DTD1: variants seen among roughly 807,000 people sequenced by gnomAD.
DTD1 encodes D-tyrosyl-tRNA deacylase 1 homolog.
DTD1 carries 13 observed loss-of-function variants against 25.6 expected under a neutral mutation model. The ratio of observed to expected loss-of-function variants is 0.51; its 90% CI spans 0.33 to 0.81. DTD1 has a LOEUF of 0.81. Among genes scored for constraint, DTD1 ranks in the 30% least tolerant of loss-of-function variants. The pLI is 0.02. For missense variants in DTD1, 193 were observed against 266.4 expected, an observed-to-expected ratio of 0.72 and a Z score of 1.92; for synonymous variants, 110 against 103.6, an observed-to-expected ratio of 1.06 and a Z score of -0.37.
chr20:18,752,765 A>G (rs550776942), intron 5 of DTD1, among the ~76,000 whole-genome samples: 3 of 152,264 alleles, frequency 2.0e-5, no homozygotes. Flanking sequence ...ATTTTAAGTA[A>G]TATCTATTCA....
chr20:18,631,906 CTCT>C (rs1161536862), intron 4 of DTD1: 2 of 984,390 alleles, frequency 2.0e-6, no homozygotes, highest in African/African-American at 1.7e-5. Flanking sequence ...AACCAGTACC[CTCT>C]TCTTGTTTAG....
chr20:18,609,435 A>T (rs953387715), intron 3 of DTD1, among the ~76,000 whole-genome samples: 3 of 152,126 alleles, frequency 2.0e-5, no homozygotes, highest in African/African-American at 7.2e-5. Context: ...TACAGGCGTG[A>T]GCCACCAAGC....
intron 1 of DTD1, among the ~76,000 whole-genome samples, chr20:18,590,757 G>A (rs1465238212): frequency 1.3e-5 from 2 of 152,194 alleles, no homozygotes; most frequent in African/African-American, 4.8e-5. Flanking sequence ...ACAGGCATGA[G>A]CCACTGCACC....
At chr20:18,645,769 A>G (rs6045532) in intron 4 of DTD1, among the ~76,000 whole-genome samples, 77,216 of 152,016 alleles carry the variant, frequency 0.51, 19,971 homozygotes, top group Middle Eastern at 0.57. Context: ...AACAGCAACA[A>G]CAGGAACCAC....
At chr20:18,640,230 C>T (rs938948579) in intron 4 of DTD1, among the ~76,000 whole-genome samples, 1 of 151,726 alleles carries the variant, frequency 6.6e-6, no homozygotes, top group Non-Finnish European at 1.5e-5. Flanking sequence ...TTATAGTATT[C>T]CTGGGTAGAA....
At chr20:18,691,249 A>G (rs2061045937) in intron 4 of DTD1, among the ~76,000 whole-genome samples, 2 of 152,228 alleles carry the variant, frequency 1.3e-5, no homozygotes, top group African/African-American at 4.8e-5. Flanking sequence ...CAACCCAGCA[A>G]TCCCATTACT....
rs118016554 is a variant in DTD1, at chr20:18,627,245, C to T, written c.371-882C>T. Among the ~76,000 whole-genome samples, 8 of 152,228 alleles carry T rather than the reference C, an allele frequency of 5.3e-5. No homozygotes were observed. The East Asian group carries it at 1.5e-3, about 29-fold the overall frequency. On this transcript the variant is annotated intron_variant, in intron 3 of 5. Coordinates refer to ENST00000377452, the MANE Select transcript of DTD1 (RefSeq NM_080820.6). ...GAGTCCTTCTGAAGTTAGGGACCCA[C>T]TGGTAGGAAAGACTCAGAGAAGGAA... is the stretch of plus-strand genomic sequence containing the variant.
chr20:18,632,845 A>G (rs1040943555), intron 4 of DTD1, among the ~76,000 whole-genome samples: 1 of 151,656 alleles, frequency 6.6e-6, no homozygotes, highest in African/African-American at 2.4e-5. Flanking sequence ...GTGTGTGTGT[A>G]TATGTGATGT....
intron 4 of DTD1, among the ~76,000 whole-genome samples, chr20:18,635,364 C>T (rs941746156): frequency 2.0e-5 from 3 of 152,228 alleles, no homozygotes; most frequent in Admixed American, 6.5e-5. Context: ...ACTTCTGGGA[C>T]GTAGGCTGCC....
chr20:18,618,788 C>T (rs1215711759), intron 3 of DTD1, among the ~76,000 whole-genome samples: 1 of 151,566 alleles, frequency 6.6e-6, no homozygotes, highest in African/African-American at 2.4e-5. Context: ...TCTTGGCTCA[C>T]TGCAACCTCC....
At chr20:18,762,851 C>A (rs1056753421) in intron 5 of DTD1, among the ~76,000 whole-genome samples, 5 of 151,872 alleles carry the variant, frequency 3.3e-5, no homozygotes, top group Admixed American at 1.3e-4. Context: ...CCTTATTATT[C>A]TCTTCCTTCT....
intron 4 of DTD1, among the ~76,000 whole-genome samples, chr20:18,681,844 C>T (rs984948227): frequency 3.9e-5 from 6 of 152,072 alleles, no homozygotes; most frequent in South Asian, 4.1e-4. Flanking sequence ...AACAGAAGAG[C>T]GTCAGGGAAA....
At chr20:18,708,913 T>C in intron 4 of DTD1, among the ~76,000 whole-genome samples, 1 of 152,160 alleles carries the variant, frequency 6.6e-6, no homozygotes, top group East Asian at 1.9e-4. Context: ...ACAGGTGTTT[T>C]GTATTAAGTA....
chr20:18,640,973 C>T (rs572936222), intron 4 of DTD1, among the ~76,000 whole-genome samples: 85 of 152,100 alleles, frequency 5.6e-4, no homozygotes, highest in Admixed American at 7.9e-4. Flanking sequence ...GAAACTTTAC[C>T]CTTAAGTAGT....
intron 4 of DTD1, chr20:18,698,572 T>G (rs1246138283): frequency 6.6e-6 from 1 of 152,232 alleles, no homozygotes; most frequent in Non-Finnish European, 1.5e-5. Flanking sequence ...AGAATGAACT[T>G]GTTAGCTGTC....
intron 5 of DTD1, among the ~76,000 whole-genome samples, chr20:18,761,147 G>C (rs2061360873): frequency 6.6e-6 from 1 of 152,146 alleles, no homozygotes; most frequent in African/African-American, 2.4e-5. Context: ...CCTTTCCTTG[G>C]CTAGGAAAGG....
At chr20:18,609,369 CT>C (rs1260419169) in intron 3 of DTD1, among the ~76,000 whole-genome samples, 1 of 151,678 alleles carries the variant, frequency 6.6e-6, no homozygotes, top group African/African-American at 2.4e-5. Flanking sequence ...CAAGTCTGGT[CT>C]TGAACTCCTG....
intron 4 of DTD1, among the ~76,000 whole-genome samples, chr20:18,721,604 T>C (rs1600390502): frequency 6.6e-6 from 1 of 152,232 alleles, no homozygotes; most frequent in African/African-American, 2.4e-5. Context: ...TTTTTTCTGT[T>C]GCTTTAGAAG....
In DTD1 at chr20:18,766,064, GC is replaced by G. The variant is rs1248196723; in HGVS notation, c.*2725del. ...AGACCAAATAAAGGCATCTTTGGGGGCTGGATGTCCATAGCAGCACCTCATG... is the reference window on the plus strand; with the variant it reads ...AGACCAAATAAAGGCATCTTTGGGGGTGGATGTCCATAGCAGCACCTCATG... On this transcript the variant is annotated 3_prime_UTR_variant, in exon 6 of 6. Coordinates refer to ENST00000377452, the MANE Select transcript of DTD1 (RefSeq NM_080820.6). 6.6e-6 allele frequency: 1 copy of G among 152,238 alleles called. No individual in the cohort carries two copies. Among genetic ancestry groups the G allele is most frequent in the African/African-American group, 2.4e-5 (1 of 41,454 alleles). 9.4% of individuals were successfully genotyped at this position (152,238 alleles called of 1,614,324 possible).
Sources: gnomAD v4.1 joint callset for allele counts (sites outside exome capture counted in the v4.1 genomes callset) on GRCh38, gnomAD v4.1.1 for gene constraint, MANE v1.5 for transcripts, NCBI Gene and HGNC (gene_info 2026-07-23, HGNC 2026-07-21) for gene names.